FBXL7: variants seen among roughly 807,000 people sequenced by gnomAD.
FBXL7 encodes the protein F-box and leucine rich repeat protein 7.
FBXL7 carries 12 observed loss-of-function variants against 38.3 expected under a neutral mutation model. That is an observed-to-expected ratio of 0.31 (90% CI 0.20 to 0.51). The LOEUF is 0.51. Ranked by LOEUF, FBXL7 falls within the 20% of genes least tolerant of loss-of-function variation. FBXL7 has a pLI of 0.98. For synonymous variants in FBXL7, 297 were observed against 300.9 expected (o/e 0.99, Z 0.13); for missense variants, 567 against 676.4 (o/e 0.84, Z 1.79).
rs114718491 is a variant in FBXL7 at position 15,559,451 on chromosome 5, A to G, written c.38-56532A>G. On this transcript the variant is annotated intron_variant, in intron 1 of 3. Transcript: ENST00000504595. ...AAAAAGGTCCCTGAACGTGTAGTAT[A>G]ATTTCCTTATATTACATTTAAATTT... Among the ~76,000 whole-genome samples, 333 of 152,288 alleles carry G rather than the reference A, an allele frequency of 2.2e-3. 1 individual carries two copies. Among genetic ancestry groups the G allele is most frequent in the African/African-American group, 6.9e-3 (286 of 41,554 alleles).
chr5:15,526,934 G>A (rs534342628), intron 1 of FBXL7, among the ~76,000 whole-genome samples: 2 of 152,196 alleles, frequency 1.3e-5, no homozygotes, highest in South Asian at 4.2e-4. Flanking sequence ...TACAATGTCG[G>A]GCTCTCCGTG....
intron 2 of FBXL7, among the ~76,000 whole-genome samples, chr5:15,642,330 G>T (rs568920673): frequency 1.3e-5 from 2 of 152,244 alleles, no homozygotes; most frequent in African/African-American, 4.8e-5. Context: ...GCCAGGATAT[G>T]TAACTCTCCA....
intron 2 of FBXL7, among the ~76,000 whole-genome samples, chr5:15,813,058 C>A (rs949753295): frequency 1.3e-5 from 2 of 152,110 alleles, no homozygotes; most frequent in African/African-American, 4.8e-5. Context: ...TCTAAATATA[C>A]AATCATGTCA....
chr5:15,627,686 A>G (rs1026089437), intron 2 of FBXL7, among the ~76,000 whole-genome samples: 1 of 152,176 alleles, frequency 6.6e-6, no homozygotes, highest in African/African-American at 2.4e-5. Flanking sequence ...CTAAAGCACC[A>G]TCTTCTCAAC....
chr5:15,765,294 TGAC>T (rs1736555341), intron 2 of FBXL7, among the ~76,000 whole-genome samples: 1 of 152,230 alleles, frequency 6.6e-6, no homozygotes, highest in South Asian at 2.1e-4. Flanking sequence ...TGAACATGGA[TGAC>T]ATTCACAAAT....
At chr5:15,518,747 G>A (rs1737014572) in intron 1 of FBXL7, among the ~76,000 whole-genome samples, 1 of 152,116 alleles carries the variant, frequency 6.6e-6, no homozygotes, top group African/African-American at 2.4e-5. Context: ...CCGGGAGAGT[G>A]AATCAGGCCC....
rs77656321 is a variant in FBXL7 at position 15,883,669 on chromosome 5, T to A, written c.128-44221T>A. 5.5e-3 allele frequency among the ~76,000 whole-genome samples: 838 copies of A among 152,320 alleles called. 5 individuals carry two copies. The highest frequency in any genetic ancestry group is 0.019 in the African/African-American group (793 of 41,576). On this transcript the variant is annotated intron_variant, in intron 2 of 3. Transcript: ENST00000504595. ...ATCACTGCTGGTCAAATTGCCAGTT[T>A]TATTGATCACTCAGCCTTGTTGAAC...
chr5:15,623,384 A>C (rs1263020727), intron 2 of FBXL7, among the ~76,000 whole-genome samples: 2 of 152,218 alleles, frequency 1.3e-5, no homozygotes, highest in Non-Finnish European at 2.9e-5. Flanking sequence ...ATATTGTGTA[A>C]GTCCTTGCGA....
chr5:15,577,787 A>G (rs1739019965), intron 1 of FBXL7, among the ~76,000 whole-genome samples: 1 of 152,190 alleles, frequency 6.6e-6, no homozygotes. Context: ...GTCCGTCTCC[A>G]AGGAACTCTG....
intron 2 of FBXL7, among the ~76,000 whole-genome samples, chr5:15,620,775 T>C (rs1277297609): frequency 6.6e-6 from 1 of 152,178 alleles, no homozygotes; most frequent in African/African-American, 2.4e-5. Context: ...AACTGACTCA[T>C]CATGGTAATA....
chr5:15,686,702 G>A (rs1046414698), intron 2 of FBXL7, among the ~76,000 whole-genome samples: 2 of 152,116 alleles, frequency 1.3e-5, no homozygotes, highest in Admixed American at 1.3e-4. Context: ...AAGGTGAAAT[G>A]GACTGTTTTT....
chr5:15,647,758 A>G (rs994666761), intron 2 of FBXL7, among the ~76,000 whole-genome samples: 1 of 152,220 alleles, frequency 6.6e-6, no homozygotes, highest in Non-Finnish European at 1.5e-5. Flanking sequence ...GTCATGGATG[A>G]TATATAAAGG....
Position 15,784,847 on chromosome 5 carries a change from T to G in FBXL7, c.128-143043T>G, listed in dbSNP as rs549115672. Among the ~76,000 whole-genome samples the G allele has an allele frequency of 6.6e-5, 10 of 152,316 alleles. No individual in the cohort carries two copies. In the South Asian group the frequency reaches 1.7e-3, roughly 25 times the overall value. On this transcript the variant is annotated intron_variant, in intron 2 of 3. Coordinates refer to ENST00000504595, the MANE Select transcript of FBXL7 (RefSeq NM_012304.5). ...TATAAATGACCCAGTCTCAGATATT[T>G]CTTTATAGCAGTGCAATAACAACCT...
intron 1 of FBXL7, among the ~76,000 whole-genome samples, chr5:15,541,770 C>T (rs1362722620): frequency 3.3e-5 from 5 of 151,718 alleles, no homozygotes; most frequent in East Asian, 1.9e-4. Flanking sequence ...GTCTTGAACT[C>T]CTGGCCTCAA....
At chr5:15,801,661 G>GCA in intron 2 of FBXL7, among the ~76,000 whole-genome samples, 1 of 147,406 alleles carries the variant, frequency 6.8e-6, no homozygotes, top group East Asian at 2.0e-4. Flanking sequence ...GTGTGTGCGC[G>GCA]CGCGCGTGTG....
At chr5:15,800,408 G>A (rs1167488342) in intron 2 of FBXL7, among the ~76,000 whole-genome samples, 1 of 152,180 alleles carries the variant, frequency 6.6e-6, no homozygotes, top group African/African-American at 2.4e-5. Flanking sequence ...ATGAAGAACA[G>A]AAGAAGAGAA....
At chr5:15,500,860 AGT>A in intron 1 of FBXL7, 147 bp downstream of exon 1, 3 of 966,580 alleles carry the variant, frequency 3.1e-6, no homozygotes, top group Non-Finnish European at 4.7e-6. Context: ...CTCCTTTGGC[AGT>A]GAGTGACCAG....
chr5:15,824,928 C>G (rs1738270739), intron 2 of FBXL7, among the ~76,000 whole-genome samples: 1 of 152,174 alleles, frequency 6.6e-6, no homozygotes, highest in Non-Finnish European at 1.5e-5. Context: ...AGAAGAGTTT[C>G]CAAAATGCAC....
At chr5:15,570,930 T>C (rs1375119076) in intron 1 of FBXL7, among the ~76,000 whole-genome samples, 1 of 152,034 alleles carries the variant, frequency 6.6e-6, no homozygotes, top group African/African-American at 2.4e-5. Flanking sequence ...CCATCTCTAC[T>C]AAAAATACAA....
Sources: gnomAD v4.1 joint callset for allele counts (sites outside exome capture counted in the v4.1 genomes callset) on GRCh38, gnomAD v4.1.1 for gene constraint, MANE v1.5 for transcripts, NCBI Gene and HGNC (gene_info 2026-07-23, HGNC 2026-07-21) for gene names.